The following CFAP251 variants were observed in gnomAD, a reference collection of about 807,000 sequenced individuals.
CFAP251 encodes cilia and flagella associated protein 251.
CFAP251 carries 93 observed loss-of-function variants against 126.7 expected under a neutral mutation model. That is an observed-to-expected ratio of 0.73 (90% CI 0.62 to 0.87). CFAP251 has a LOEUF of 0.87. Among genes scored for constraint, CFAP251 ranks in the 40% least tolerant of loss-of-function variants. The pLI is 0.00. For synonymous variants in CFAP251, 503 were observed against 506.9 expected (o/e 0.99, Z 0.10); for missense variants, 1,287 against 1,389.2 (o/e 0.93, Z 1.17).
intron 11 of CFAP251, 116 bp from the exon 12 acceptor site, chr12:121,958,156 T>C: frequency 3.5e-6 from 5 of 1,444,164 alleles, no homozygotes; most frequent in Non-Finnish European, 3.7e-6. Context: ...GTTGGGTTAA[T>C]AATGTCACTA....
chr12:121,937,978 A>G (rs575739077), intron 5 of CFAP251, among the ~76,000 whole-genome samples: 2 of 152,210 alleles, frequency 1.3e-5, no homozygotes, highest in African/African-American at 4.8e-5. Flanking sequence ...AGATCAAACA[A>G]TGTATAGTCT....
At chr12:121,920,419 C>A (rs1460126492) in intron 1 of CFAP251, among the ~76,000 whole-genome samples, 2 of 133,668 alleles carry the variant, frequency 1.5e-5, no homozygotes, top group Non-Finnish European at 3.2e-5. Flanking sequence ...TTTTTTGAGA[C>A]GGAGTCTCGC....
intron 14 of CFAP251, among the ~76,000 whole-genome samples, chr12:121,961,544 C>T (rs1023316573): frequency 1.3e-5 from 2 of 152,146 alleles, no homozygotes; most frequent in Non-Finnish European, 2.9e-5. Flanking sequence ...TAATAAGTGA[C>T]ACAGTATAAC....
At chr12:121,945,554 A>G (rs1881290732) in intron 7 of CFAP251, among the ~76,000 whole-genome samples, 1 of 151,104 alleles carries the variant, frequency 6.6e-6, no homozygotes, top group Non-Finnish European at 1.5e-5. Context: ...CATGTTAGCC[A>G]GGATGGTCTC....
chr12:121,969,139 T>C (rs1882250409), intron 17 of CFAP251: 1 of 985,344 alleles, frequency 1.0e-6, no homozygotes, highest in Non-Finnish European at 1.2e-6. Context: ...ACCTGATTCC[T>C]GGCTGCCAGC....
chr12:122,003,605 CAT>C, intron 21 of CFAP251, 45 bp from the exon 22 acceptor site: 1 of 1,492,008 alleles, frequency 6.7e-7, no homozygotes, highest in Non-Finnish European at 9.3e-7. Flanking sequence ...AAGAAAGAAA[CAT>C]AATCATCATG....
intron 17 of CFAP251, 44 bp from the exon 18 acceptor site, chr12:121,975,200 T>C (rs755671537): frequency 1.1e-5 from 17 of 1,567,732 alleles, no homozygotes; most frequent in Non-Finnish European, 1.5e-5. Flanking sequence ...GCCATGCTCA[T>C]GCTTGAGCGC....
chr12:121,925,597 T>A (rs1880377471), intron 3 of CFAP251, among the ~76,000 whole-genome samples: 1 of 152,206 alleles, frequency 6.6e-6, no homozygotes, highest in Non-Finnish European at 1.5e-5. Context: ...AACTGTTCAC[T>A]CCGAGAGAAA....
Position 121,942,627 on chromosome 12 carries a change from C to A in CFAP251, c.1092C>A (p.Ile364=). 6.2e-7 allele frequency: 1 copy of A among 1,612,752 alleles called. No individual in the cohort carries two copies. Among genetic ancestry groups the A allele is most frequent in the Non-Finnish European group, 8.5e-7 (1 of 1,179,932 alleles). ...ACGACGCCAAGTATCTGGCAACCAT[C>A]TCAGATGCTGAAGTCCAGGTAAAGG... ...MTHDAKYLAT[I]SDAEVQKVCI... is the part of the protein sequence containing the mutation. The change falls in exon 6 of 22, where the codon ATC becomes ATA. Residue 364 remains isoleucine, a synonymous_variant. Coordinates refer to ENST00000288912, the MANE Select transcript of CFAP251 (RefSeq NM_144668.6).
Position 121,921,663 on chromosome 12 carries a change from A to G in CFAP251, c.358A>G (p.Ile120Val), listed in dbSNP as rs776287677. The G allele has an allele frequency of 2.6e-5, 42 of 1,607,216 alleles. No homozygotes were observed. In the Admixed American group the frequency reaches 3.6e-4, roughly 14 times the overall value. Residue 120 changes from isoleucine (I) to valine (V), a missense_variant, in exon 2 of 22, where the codon ATC becomes GTC. Coordinates refer to ENST00000288912, the MANE Select transcript of CFAP251 (RefSeq NM_144668.6). ...LETQITDSQS[I>V]TSGIFPKTQR... ...GACACAGATTACTGATTCCCAGTCA[A>G]TCACATCAGGAATTTTCCCAGTAAG...
intron 19 of CFAP251, among the ~76,000 whole-genome samples, chr12:121,984,954 G>A (rs1259685542): frequency 6.6e-6 from 1 of 152,170 alleles, no homozygotes; most frequent in East Asian, 1.9e-4. Context: ...CCCACATGGT[G>A]GACGCTTGGC....
chr12:121,999,033 G>A (rs754046060), intron 19 of CFAP251: 8 of 151,642 alleles, frequency 5.3e-5, no homozygotes, highest in Non-Finnish European at 8.8e-5. Context: ...ACACATGCCC[G>A]TTATTGGGTT....
intron 13 of CFAP251, among the ~76,000 whole-genome samples, chr12:121,960,081 C>T (rs1042168135): frequency 3.3e-5 from 5 of 151,954 alleles, no homozygotes; most frequent in Admixed American, 1.3e-4. Flanking sequence ...TGCAGTGAGC[C>T]GTGATCAGGC....
At chr12:121,985,535 C>CAA (rs59999924) in intron 19 of CFAP251, among the ~76,000 whole-genome samples, 39 of 62,382 alleles carry the variant, frequency 6.3e-4, no homozygotes, top group African/African-American at 1.1e-3. Context: ...GACTCCATCT[C>CAA]AAAAAAAAAA....
intron 3 of CFAP251, among the ~76,000 whole-genome samples, chr12:121,928,709 T>G (rs1290438457): frequency 7.1e-6 from 1 of 140,688 alleles, no homozygotes; most frequent in African/African-American, 2.6e-5. Context: ...TATATATTTT[T>G]TTTTTGAGAC....
chr12:121,922,524 T>G (rs1880228299), intron 2 of CFAP251, among the ~76,000 whole-genome samples: 1 of 152,138 alleles, frequency 6.6e-6, no homozygotes, highest in Non-Finnish European at 1.5e-5. Context: ...CAGGGAAAGC[T>G]TCCTGGAGGA....
chr12:121,978,670 T>A (rs139872796), intron 19 of CFAP251, among the ~76,000 whole-genome samples: 96 of 152,252 alleles, frequency 6.3e-4, no homozygotes, highest in African/African-American at 2.2e-3. Context: ...TGCGTGTGCA[T>A]ATACATATGT....
At chr12:121,995,560 TG>T (rs1318698421) in intron 19 of CFAP251, among the ~76,000 whole-genome samples, 1 of 152,154 alleles carries the variant, frequency 6.6e-6, no homozygotes, top group Non-Finnish European at 1.5e-5. Flanking sequence ...TGGAGTGCAG[TG>T]GCACAATCAG....
intron 8 of CFAP251, chr12:121,950,049 A>G (rs1254356533): frequency 1.3e-5 from 2 of 152,250 alleles, no homozygotes; most frequent in Non-Finnish European, 2.9e-5. Flanking sequence ...CAGCAGCACT[A>G]TTTGTAATAA....
Sources: allele counts gnomAD v4.1 joint callset (sites outside exome capture counted in the v4.1 genomes callset), GRCh38; gene constraint gnomAD v4.1.1; transcripts MANE v1.5; gene names NCBI Gene and HGNC (gene_info 2026-07-23, HGNC 2026-07-21).